Variants in ANO2 observed in about 807,000 individuals in gnomAD.
The protein encoded by ANO2 is anoctamin 2.
A neutral mutation model predicts 124.2 loss-of-function variants in ANO2; 101 were observed. That is an observed-to-expected ratio of 0.81 (90% CI 0.69 to 0.96). ANO2 has a LOEUF of 0.96. ANO2 is among the 40% of genes least tolerant of loss of function. The pLI is 0.00. For missense variants in ANO2, 1,293 were observed against 1,274.5 expected (o/e 1.01, Z -0.22); for synonymous variants, 486 against 482.5 (o/e 1.01, Z -0.09).
chr12:5,736,336 G>C (rs1300907610), intron 13 of ANO2, among the ~76,000 whole-genome samples: 3 of 152,172 alleles, frequency 2.0e-5, no homozygotes. Context: ...GCACCCAGGT[G>C]GGAGGACTAG....
Position 5,590,796 on chromosome 12 carries a change from A to G in ANO2, c.2233+8688T>C, listed in dbSNP as rs568045359. On this transcript the variant is annotated intron_variant, in intron 20 of 24. Coordinates refer to ENST00000682330, the MANE Select transcript of ANO2 (RefSeq NM_001364791.2). ...TCTAGAACAGTAGGTCCTTTCTTAT[A>G]ACTGTCTGTGTGCCCATATGGGGGC... 1.8e-4 allele frequency among the ~76,000 whole-genome samples: 27 copies of G among 152,308 alleles called. No individual in the cohort carries two copies. In the East Asian group the frequency reaches 5.2e-3, roughly 29 times the overall value.
intron 20 of ANO2, among the ~76,000 whole-genome samples, chr12:5,585,131 T>G (rs1943041430): frequency 6.6e-6 from 1 of 151,916 alleles, no homozygotes; most frequent in African/African-American, 2.4e-5. Flanking sequence ...ATGGAGGCTT[T>G]GCACCATTCA....
intron 14 of ANO2, among the ~76,000 whole-genome samples, chr12:5,682,998 T>G (rs1222644441): frequency 1.3e-5 from 2 of 152,152 alleles, no homozygotes; most frequent in Non-Finnish European, 2.9e-5. Context: ...CGTGGACCCC[T>G]TGAGTACTGG....
chr12:5,809,061 T>A (rs1473941090), intron 7 of ANO2, among the ~76,000 whole-genome samples: 1 of 152,190 alleles, frequency 6.6e-6, no homozygotes, highest in East Asian at 1.9e-4. Context: ...GATTTTAAGT[T>A]TCTTCCTTGG....
chr12:5,836,619 G>C (rs1954327403), intron 4 of ANO2, among the ~76,000 whole-genome samples: 1 of 152,152 alleles, frequency 6.6e-6, no homozygotes, highest in Admixed American at 6.5e-5. Flanking sequence ...CATGGAACCT[G>C]TAGAAGTCTC....
chr12:5,830,476 C>G lies in ANO2; in HGVS notation c.799G>C (p.Glu267Gln). 1 of 1,612,354 alleles carries G rather than the reference C, an allele frequency of 6.2e-7. No homozygotes were observed. Among genetic ancestry groups the G allele is most frequent in the South Asian group, 1.1e-5 (1 of 90,376 alleles). Residue 267 changes from glutamate (E) to glutamine (Q), a missense_variant, in exon 6 of 25, where the codon GAA becomes CAA. By Grantham distance (29) the Glu-to-Gln change is conservative. Coordinates refer to ENST00000682330, the MANE Select transcript of ANO2 (RefSeq NM_001364791.2). ...REKMYLYNIQ[E>Q]KDTFFDNATR... ...GCATTATCAAAGAAGGTGTCCTTTT[C>G]CTGGATGTTGTACCTGGAGACACCA...
intron 8 of ANO2, among the ~76,000 whole-genome samples, chr12:5,806,909 C>T (rs1471969232): frequency 2.0e-5 from 3 of 152,330 alleles, no homozygotes; most frequent in Middle Eastern, 3.4e-3. Flanking sequence ...GCTAAGGAGA[C>T]GTCTGACAGT....
At chr12:5,641,825 GTATTATT>G (rs1164763971) in intron 15 of ANO2, among the ~76,000 whole-genome samples, 2 of 152,184 alleles carry the variant, frequency 1.3e-5, no homozygotes, top group African/African-American at 4.8e-5. Flanking sequence ...AGATAATTAT[GTATTATT>G]TGTGAACAAT....
At chr12:5,639,798 T>C (rs1462257133) in intron 15 of ANO2, among the ~76,000 whole-genome samples, 1 of 151,900 alleles carries the variant, frequency 6.6e-6, no homozygotes, top group African/African-American at 2.4e-5. Flanking sequence ...TGTGAGTTGG[T>C]TTAGGTTTTA....
At chr12:5,731,951 G>C (rs1950657231) in intron 14 of ANO2, among the ~76,000 whole-genome samples, 1 of 152,218 alleles carries the variant, frequency 6.6e-6, no homozygotes. Flanking sequence ...GTTGAAGGCT[G>C]TATGGCATAG....
intron 4 of ANO2, among the ~76,000 whole-genome samples, chr12:5,846,618 G>T (rs1376767315): frequency 1.3e-5 from 2 of 152,168 alleles, no homozygotes; most frequent in African/African-American, 4.8e-5. Context: ...CAGTGGGGCT[G>T]CACTCCCTCT....
In ANO2 at chr12:5,900,576, C is replaced by A. The variant is rs530384768; in HGVS notation, c.534+20464G>T. 2.1e-5 allele frequency among the ~76,000 whole-genome samples: 3 copies of A among 145,444 alleles called. No homozygotes were observed. Among genetic ancestry groups the A allele is most frequent in the African/African-American group, 7.8e-5 (3 of 38,384 alleles). On this transcript the variant is annotated intron_variant, in intron 3 of 24. Transcript: ENST00000682330. The surrounding 1 kb of genome is among the most constrained non-coding windows in gnomAD (Gnocchi z 4.2). The stretch of plus-strand genomic sequence containing the variant: ...ATAAAATGGAAAACAACAACAACAA[C>A]AACAAAAAACTAAAGTGAACTCTCC...
At position 5,573,073 on chromosome 12, in the gene ANO2, C is replaced by T. The variant is rs115537870; in HGVS notation, c.2621+2761G>A. On this transcript the variant is annotated intron_variant, in intron 23 of 24. Coordinates refer to ENST00000682330, the MANE Select transcript of ANO2 (RefSeq NM_001364791.2). ...AGCACCCATTTGCCTTATTTCTCAC[C>T]ACAGTTCCTGGCAATCATACGGAAC... Among the ~76,000 whole-genome samples the T allele has an allele frequency of 5.2e-3, 793 of 152,240 alleles. 6 individuals carry two copies. Among genetic ancestry groups the T allele is most frequent in the African/African-American group, 0.018 (745 of 41,536 alleles).
chr12:5,861,376 C>T (rs908180723), intron 3 of ANO2, among the ~76,000 whole-genome samples: 7 of 73,906 alleles, frequency 9.5e-5, no homozygotes, highest in Non-Finnish European at 1.4e-4. Flanking sequence ...ACCTCTCTCC[C>T]GCACTCCAGG....
At chr12:5,924,586 A>C (rs1390798190) in intron 1 of ANO2, among the ~76,000 whole-genome samples, 3 of 152,226 alleles carry the variant, frequency 2.0e-5, no homozygotes, top group African/African-American at 7.2e-5. Context: ...CCGAAAGGAA[A>C]ATATTAAGCC....
At chr12:5,611,518 G>A (rs1225309751) in intron 19 of ANO2, among the ~76,000 whole-genome samples, 1 of 152,124 alleles carries the variant, frequency 6.6e-6, no homozygotes, top group East Asian at 1.9e-4. Flanking sequence ...TGTAAACAGT[G>A]TTATTCCTGG....
In ANO2 at chr12:5,755,681, T is replaced by C. The variant is rs1337359834; in HGVS notation, c.1056-4711A>G. Among the ~76,000 whole-genome samples the C allele has an allele frequency of 3.9e-5, 6 of 152,254 alleles. No individual in the cohort carries two copies. The East Asian group carries it at 1.2e-3, about 30-fold the overall frequency. On this transcript the variant is annotated intron_variant, in intron 10 of 24. Coordinates refer to ENST00000682330, the MANE Select transcript of ANO2 (RefSeq NM_001364791.2). ...TTTGGTTTTTTGTCCTTCTGATAGG[T>C]TGCTGAGAATGATGGTTTCCAGCTT...
Position 5,577,955 on chromosome 12 carries a change from G to A in ANO2, c.2439C>T (p.Asn813=), listed in dbSNP as rs781454169. ...GTGTGTCATGAATGCAAGTACTTAC[G>A]TTGCTGATAACAGAGAACTTGCCAA... The part of the protein sequence containing the change: ...SGIGKFSVIS[N]AFVIAITSDF... Residue 813 remains asparagine, a splice_region_variant and synonymous_variant, in exon 22 of 25, where the codon AAC becomes AAT. Transcript: ENST00000682330. 68 of 1,613,080 alleles carry A rather than the reference G, an allele frequency of 4.2e-5. No homozygotes were observed. Among genetic ancestry groups the A allele is most frequent in the African/African-American group, 1.9e-4 (14 of 74,898 alleles).
intron 20 of ANO2, among the ~76,000 whole-genome samples, chr12:5,594,219 G>C (rs767449692): frequency 6.6e-6 from 1 of 152,124 alleles, no homozygotes; most frequent in Admixed American, 6.6e-5. Flanking sequence ...GGAACAACCT[G>C]AATTGCTCAA....
Sources: gnomAD v4.1 joint callset for allele counts (sites outside exome capture counted in the v4.1 genomes callset) on GRCh38, gnomAD v4.1.1 for gene constraint, Gnocchi (gnomAD v3.1) non-coding constraint, MANE v1.5 for transcripts, NCBI Gene and HGNC (gene_info 2026-07-23, HGNC 2026-07-21) for gene names.